The following MAD1L1 variants were observed in gnomAD, a reference collection of about 807,000 sequenced individuals.
The protein encoded by MAD1L1 is mitotic spindle assembly checkpoint protein MAD1.
A neutral mutation model predicts 96.9 loss-of-function variants in MAD1L1; 95 were observed. The observed-to-expected ratio is 0.98, with a 90% confidence interval of 0.83 to 1.16. The LOEUF (loss-of-function observed/expected upper bound fraction) is 1.16, where lower values mean the gene tolerates loss of function less well. MAD1L1 is among the 50% of genes most tolerant of loss of function. The pLI, the probability that MAD1L1 is intolerant of heterozygous loss-of-function variation, is 0.00. For missense variants in MAD1L1, 1,007 were observed against 954.4 expected, an observed-to-expected ratio of 1.06 and a Z score of -0.73; for synonymous variants, 473 against 396.6, an observed-to-expected ratio of 1.19 and a Z score of -2.29.
chr7:1,956,870 G>C lies in MAD1L1; in HGVS notation c.1596+759C>G, dbSNP rs57254361. On this transcript the variant is annotated intron_variant, in intron 16 of 18. Coordinates refer to ENST00000265854, the MANE Select transcript of MAD1L1 (RefSeq NM_001013836.2). The stretch of plus-strand genomic sequence containing the variant: ...GGCCACTGAGGACACCTTGGGGAAA[G>C]GGCTGGAAGCTGGAGCAGGGAAGCC... 4.1e-3 allele frequency among the ~76,000 whole-genome samples: 622 copies of C among 152,378 alleles called. 20 individuals are homozygous for C. The East Asian group carries it at 0.092, about 23-fold the overall frequency.
At chr7:2,027,283 A>G (rs1334489989) in intron 12 of MAD1L1, among the ~76,000 whole-genome samples, 1 of 152,246 alleles carries the variant, frequency 6.6e-6, no homozygotes, top group African/African-American at 2.4e-5. Flanking sequence ...CCAAGCGGTT[A>G]AAGAAGAAAT....
chr7:2,066,661 CG>C (rs1737841275), intron 12 of MAD1L1, among the ~76,000 whole-genome samples: 2 of 152,172 alleles, frequency 1.3e-5, no homozygotes, highest in African/African-American at 4.8e-5. Flanking sequence ...GGAAGGAAGC[CG>C]GGCACAGACT....
chr7:2,157,549 C>T (rs1789906705), intron 10 of MAD1L1, among the ~76,000 whole-genome samples: 1 of 152,126 alleles, frequency 6.6e-6, no homozygotes, highest in Admixed American at 6.5e-5. Flanking sequence ...GGCCCTGGGA[C>T]ACAGGGCAGA....
chr7:2,036,488 G>A (rs1783442115), intron 12 of MAD1L1, among the ~76,000 whole-genome samples: 2 of 152,216 alleles, frequency 1.3e-5, no homozygotes, highest in Admixed American at 1.3e-4. Context: ...TCTAGTCTGA[G>A]GAGGACAATC....
intron 10 of MAD1L1, among the ~76,000 whole-genome samples, chr7:2,167,932 G>A (rs191343375): frequency 1.2e-3 from 189 of 152,082 alleles, no homozygotes; most frequent in South Asian, 2.1e-3. Context: ...ACTCCCCACC[G>A]CACCTATCTT....
chr7:2,126,831 G>C (rs1788256766), intron 11 of MAD1L1, among the ~76,000 whole-genome samples: 1 of 152,194 alleles, frequency 6.6e-6, no homozygotes, highest in Admixed American at 6.5e-5. Flanking sequence ...TGTCCCCATG[G>C]GTCGGGCTTC....
intron 17 of MAD1L1, among the ~76,000 whole-genome samples, chr7:1,912,971 T>C (rs1788116649): frequency 6.6e-6 from 1 of 151,990 alleles, no homozygotes; most frequent in Non-Finnish European, 1.5e-5. Flanking sequence ...CACCGAGGCT[T>C]GCAGAACCTC....
chr7:1,900,064 C>T (rs1353368684), intron 17 of MAD1L1, among the ~76,000 whole-genome samples: 2 of 152,178 alleles, frequency 1.3e-5, no homozygotes, highest in Admixed American at 1.3e-4. Context: ...TGCCGGAGGC[C>T]ACCGCCGAGA....
chr7:2,068,014 A>G (rs55789728), intron 12 of MAD1L1, among the ~76,000 whole-genome samples: 42,835 of 152,248 alleles, frequency 0.28, 6,298 homozygotes, highest in South Asian at 0.43. Flanking sequence ...AAGGGAACAC[A>G]GAGGAAGGTC....
At chr7:2,212,943 G>T (rs1289931968) in intron 10 of MAD1L1, among the ~76,000 whole-genome samples, 1 of 152,228 alleles carries the variant, frequency 6.6e-6, no homozygotes. Flanking sequence ...GCAACGCAGG[G>T]CAATCAGACG....
intron 17 of MAD1L1, among the ~76,000 whole-genome samples, chr7:1,921,871 A>G (rs1024409442): frequency 1.8e-4 from 27 of 152,358 alleles, no homozygotes; most frequent in African/African-American, 6.3e-4. Flanking sequence ...ATACACCAAA[A>G]TAAGTTTCAA....
intron 18 of MAD1L1, among the ~76,000 whole-genome samples, chr7:1,824,863 T>C (rs2128622514): frequency 6.6e-6 from 1 of 151,988 alleles, no homozygotes; most frequent in South Asian, 2.1e-4. Context: ...CATGCACACA[T>C]GGGGCGAGCC....
At chr7:2,140,680 T>C (rs1256844473) in intron 11 of MAD1L1, among the ~76,000 whole-genome samples, 1 of 152,234 alleles carries the variant, frequency 6.6e-6, no homozygotes. Flanking sequence ...CAGGCCTCCA[T>C]GCCCAACCTC....
chr7:2,072,209 T>C (rs555847572), intron 11 of MAD1L1, among the ~76,000 whole-genome samples: 2 of 152,202 alleles, frequency 1.3e-5, no homozygotes, highest in African/African-American at 4.8e-5. Flanking sequence ...CAGAACTGAG[T>C]GAGACTGAGC....
chr7:1,898,441 T>G (rs1583698718), intron 17 of MAD1L1, 51 bp from the exon 18 acceptor site: 1 of 1,561,366 alleles, frequency 6.4e-7, no homozygotes, highest in Non-Finnish European at 8.8e-7. Flanking sequence ...GCCGGAGGGG[T>G]GGGGACCCGG....
intron 15 of MAD1L1, among the ~76,000 whole-genome samples, chr7:1,977,406 G>C (rs762173000): frequency 3.3e-5 from 5 of 152,220 alleles, no homozygotes; most frequent in Non-Finnish European, 7.3e-5. Flanking sequence ...CCAGCTGCTC[G>C]GAGTGTGGGG....
chr7:1,817,991 C>CCTCCCCCTGCA (rs1273232113), intron 18 of MAD1L1, among the ~76,000 whole-genome samples: 3 of 149,440 alleles, frequency 2.0e-5, no homozygotes, highest in African/African-American at 7.5e-5. Flanking sequence ...CTCCCCCTGC[C>CCTCCCCCTGCA]CTCCCCCTGT....
intron 11 of MAD1L1, among the ~76,000 whole-genome samples, chr7:2,135,651 C>T (rs1420599950): frequency 6.6e-6 from 1 of 152,210 alleles, no homozygotes; most frequent in Admixed American, 6.5e-5. Context: ...ATGTCCGGGC[C>T]TCCTGCCCCC....
intron 10 of MAD1L1, among the ~76,000 whole-genome samples, chr7:2,198,799 C>T (rs1236619887): frequency 1.3e-5 from 2 of 152,238 alleles, no homozygotes; most frequent in Non-Finnish European, 2.9e-5. Flanking sequence ...GTACAGTCCA[C>T]AAGCACAGGC....
Sources: gnomAD v4.1 joint callset for allele counts (sites outside exome capture counted in the v4.1 genomes callset) on GRCh38, gnomAD v4.1.1 for gene constraint, MANE v1.5 for transcripts, NCBI Gene and HGNC (gene_info 2026-07-23, HGNC 2026-07-21) for gene names.